Variants in CST8 observed in about 807,000 individuals in gnomAD.
CST8 encodes the protein cystatin-8.
A neutral mutation model predicts 11.8 loss-of-function variants in CST8; 20 were observed. That is an observed-to-expected ratio of 1.70 (90% CI 1.20 to 2.47). The LOEUF is 2.47. CST8 is among the 30% of genes most tolerant of loss of function. CST8 has a pLI of 0.00. For synonymous variants in CST8, 77 were observed against 63.1 expected (o/e 1.22, Z -1.05); for missense variants, 196 against 167.2 (o/e 1.17, Z -0.95).
rs900571466 is a variant in CST8, at chr20:23,491,546, G to A, written c.-122G>A. ...CCAGCTGGGCTGACGCTAACAGGAG[G>A]CAGTGTGTGGCTCGAAGATTCTTGA... On this transcript the variant is annotated 5_prime_UTR_variant, in exon 2 of 4. Coordinates refer to ENST00000246012, the MANE Select transcript of CST8 (RefSeq NM_005492.4). The A allele has an allele frequency of 7.9e-5, 58 of 738,804 alleles. No homozygotes were observed. Among genetic ancestry groups the A allele is most frequent in the Middle Eastern group, 3.9e-4 (1 of 2,572 alleles). The allele number at this position is 738,804 out of a possible 1,614,324, so 45.8% of individuals were successfully genotyped here. A position where few individuals can be genotyped will look rare whatever the true frequency, so the allele number is the denominator to read the frequency against.
chr20:23,503,895 A>T, the CST8 span, among the ~76,000 whole-genome samples: 1 of 152,102 alleles, frequency 6.6e-6, no homozygotes, highest in Non-Finnish European at 1.5e-5. Flanking sequence ...GTCAAGGAGG[A>T]TGCACGCTCA....
chr20:23,500,711 C>T (rs951727596), downstream of CST8, among the ~76,000 whole-genome samples: 2 of 146,958 alleles, frequency 1.4e-5, no homozygotes, highest in African/African-American at 5.1e-5. Flanking sequence ...GGCAGCCAAT[C>T]AGTGCCCTCC....
At chr20:23,500,405 C>A (rs1197091621), downstream of CST8, among the ~76,000 whole-genome samples, 1 of 152,118 alleles carries the variant, frequency 6.6e-6, no homozygotes, top group Non-Finnish European at 1.5e-5. Flanking sequence ...GCTGTCCCAG[C>A]TTAGCCGGTT....
chr20:23,501,253 A>G, the CST8 span, among the ~76,000 whole-genome samples: 1 of 152,148 alleles, frequency 6.6e-6, no homozygotes, highest in African/African-American at 2.4e-5. Flanking sequence ...AGTATCGCCC[A>G]TTGCTGGTTT....
At chr20:23,494,854 C>T (rs3004101) in intron 3 of CST8, among the ~76,000 whole-genome samples, 97,113 of 151,508 alleles carry the variant, frequency 0.64, 31,421 homozygotes, top group African/African-American at 0.71. Flanking sequence ...CACATACAGG[C>T]TTGTTATATG....
chr20:23,506,882 TC>T, the CST8 span, among the ~76,000 whole-genome samples: 51,892 of 151,872 alleles, frequency 0.34, 10,731 homozygotes, highest in Non-Finnish European at 0.46. Context: ...GAAGTTCTCC[TC>T]CCCCTGCCCC....
chr20:23,498,630 C>A (rs1229355930), downstream of CST8, among the ~76,000 whole-genome samples: 1 of 152,240 alleles, frequency 6.6e-6, no homozygotes, highest in Non-Finnish European at 1.5e-5. Context: ...CCCTCTTCAG[C>A]CCCTGCCTGT....
intron 3 of CST8, among the ~76,000 whole-genome samples, chr20:23,493,923 T>C (rs973479134): frequency 2.6e-5 from 4 of 152,182 alleles, no homozygotes; most frequent in African/African-American, 4.8e-5. Flanking sequence ...GAATTTGCAT[T>C]CTTAATGAGT....
chr20:23,502,985 G>A, the CST8 span, among the ~76,000 whole-genome samples: 2 of 152,022 alleles, frequency 1.3e-5, no homozygotes, highest in African/African-American at 4.8e-5. Flanking sequence ...AAAGAAAAAT[G>A]ATTAATTACC....
downstream of CST8, among the ~76,000 whole-genome samples, chr20:23,500,744 T>G: frequency 1.2e-5 from 1 of 86,658 alleles, no homozygotes; most frequent in Non-Finnish European, 2.2e-5. Context: ...TGGACCTCTG[T>G]GTGGTGGGGT....
chr20:23,501,562 G>C, the CST8 span, among the ~76,000 whole-genome samples: 1 of 152,200 alleles, frequency 6.6e-6, no homozygotes, highest in Non-Finnish European at 1.5e-5. Flanking sequence ...AATACCCAAT[G>C]GCTAAGAGAT....
downstream of CST8, among the ~76,000 whole-genome samples, chr20:23,500,696 A>C (rs1295956129): frequency 1.3e-5 from 2 of 151,508 alleles, no homozygotes; most frequent in East Asian, 2.0e-4. Context: ...TGTGGGGGTG[A>C]AAATGGCAGC....
At chr20:23,499,144 T>A (rs1210330354), downstream of CST8, among the ~76,000 whole-genome samples, 1 of 152,216 alleles carries the variant, frequency 6.6e-6, no homozygotes, top group Non-Finnish European at 1.5e-5. Context: ...GTGGGGATGA[T>A]GCCCACCTGT....
chr20:23,507,032 C>G, the CST8 span, among the ~76,000 whole-genome samples: 1 of 152,078 alleles, frequency 6.6e-6, no homozygotes, highest in African/African-American at 2.4e-5. Flanking sequence ...CACACATGTC[C>G]CAGTATTTTT....
At chr20:23,505,711 G>A in the CST8 span, among the ~76,000 whole-genome samples, 1 of 152,196 alleles carries the variant, frequency 6.6e-6, no homozygotes, top group African/African-American at 2.4e-5. Flanking sequence ...TCCTCCATTA[G>A]ACTTGCTGCA....
intron 2 of CST8, among the ~76,000 whole-genome samples, 163 bp from the exon 3 acceptor site, chr20:23,492,795 G>A (rs1987927785): frequency 6.6e-6 from 1 of 152,146 alleles, no homozygotes; most frequent in African/African-American, 2.4e-5. Flanking sequence ...TTGTACACAG[G>A]GCTCCAGGCA....
At chr20:23,498,634 T>C (rs1368352931), downstream of CST8, among the ~76,000 whole-genome samples, 1 of 152,238 alleles carries the variant, frequency 6.6e-6, no homozygotes, top group Non-Finnish European at 1.5e-5. Flanking sequence ...CTTCAGCCCC[T>C]GCCTGTGGTC....
chr20:23,506,349 T>A, the CST8 span, among the ~76,000 whole-genome samples: 3 of 152,178 alleles, frequency 2.0e-5, no homozygotes, highest in Admixed American at 2.0e-4. Context: ...CAGGCTTGCC[T>A]GTAGGTGTGT....
intron 2 of CST8, 72 bp from the exon 3 acceptor site, chr20:23,492,885 AT>A (rs202213134): frequency 0.1 from 56,968 of 555,188 alleles, 51 homozygotes; most frequent in South Asian, 0.14. Flanking sequence ...AGTAAGAGTA[AT>A]TTTTTTTTTT....
Sources: gnomAD v4.1 joint callset for allele counts (sites outside exome capture counted in the v4.1 genomes callset) on GRCh38, gnomAD v4.1.1 for gene constraint, MANE v1.5 for transcripts, NCBI Gene and HGNC (gene_info 2026-07-23, HGNC 2026-07-21) for gene names.